Variants in B3GALT1 observed in about 807,000 individuals in gnomAD.
B3GALT1 encodes the protein UDP-Gal:betaGlcNAc beta 1,3-galactosyltransferase, polypeptide 1.
A neutral mutation model predicts 23.2 loss-of-function variants in B3GALT1; 10 were observed. The observed-to-expected ratio is 0.43, with a 90% CI of 0.27 to 0.73. The LOEUF is 0.73. Ranked by LOEUF, B3GALT1 falls within the 30% of genes least tolerant of loss-of-function variation. B3GALT1 has a pLI of 0.21. For missense variants in B3GALT1, 299 were observed against 405.4 expected, an observed-to-expected ratio of 0.74 and a Z score of 2.25; for synonymous variants, 156 against 141.5, an observed-to-expected ratio of 1.10 and a Z score of -0.73.
At chr2:167,863,716 G>T (rs1425295241) in intron 4 of B3GALT1, among the ~76,000 whole-genome samples, 1 of 151,946 alleles carries the variant, frequency 6.6e-6, no homozygotes, top group Non-Finnish European at 1.5e-5. Context: ...GTACTGTTTT[G>T]CCACCTGAGA....
intron 1 of B3GALT1, among the ~76,000 whole-genome samples, chr2:167,387,315 ATC>A (rs902647637): frequency 1.7e-4 from 26 of 152,340 alleles, no homozygotes; most frequent in African/African-American, 6.3e-4. Flanking sequence ...GTTGGGAAAA[ATC>A]TAATAAAATC....
intron 2 of B3GALT1, among the ~76,000 whole-genome samples, chr2:167,640,814 G>A (rs1685639102): frequency 6.6e-6 from 1 of 152,102 alleles, no homozygotes; most frequent in Non-Finnish European, 1.5e-5. Flanking sequence ...TTCCATTGCA[G>A]CCTGGTCTCT....
At chr2:167,797,817 T>G (rs776520124) in intron 3 of B3GALT1, among the ~76,000 whole-genome samples, 15 of 152,124 alleles carry the variant, frequency 9.9e-5, no homozygotes, top group Admixed American at 3.9e-4. Flanking sequence ...CATGCCATTC[T>G]TCTCAGCCTC....
chr2:167,490,284 G>T lies in B3GALT1; in HGVS notation c.-410+7G>T, dbSNP rs2105341526. On this transcript the variant is annotated splice_region_variant and intron_variant, in intron 2 of 4. Transcript: ENST00000392690. The stretch of plus-strand genomic sequence containing the variant: ...CAGAAATTTTCATCATAGGGTAATA[G>T]CCGATTCCTATTTTTGATTTGATAG... The T allele has an allele frequency of 6.6e-6, 1 of 152,308 alleles. No homozygotes were observed. Among genetic ancestry groups the T allele is most frequent in the African/African-American group, 2.4e-5 (1 of 41,574 alleles). The allele number at this position is 152,308 out of a possible 1,614,324, so 9.4% of individuals were successfully genotyped here.
intron 3 of B3GALT1, among the ~76,000 whole-genome samples, chr2:167,660,238 A>G (rs550258786): frequency 1.3e-5 from 2 of 152,082 alleles, no homozygotes; most frequent in Non-Finnish European, 2.9e-5. Context: ...CCTGGAAGTT[A>G]TTATAGGAAG....
chr2:167,524,921 T>G (rs2105364031), intron 2 of B3GALT1, among the ~76,000 whole-genome samples: 1 of 152,346 alleles, frequency 6.6e-6, no homozygotes, highest in Non-Finnish European at 1.5e-5. Flanking sequence ...GGTATTGTAA[T>G]GGGTAGACAT....
intron 3 of B3GALT1, among the ~76,000 whole-genome samples, chr2:167,734,065 AAAC>A (rs779633161): frequency 1.1e-3 from 173 of 152,330 alleles, no homozygotes; most frequent in Non-Finnish European, 2.0e-3. Flanking sequence ...CTCAGTTCCA[AAAC>A]AACATGTCAC....
chr2:167,730,165 C>T lies in B3GALT1; in HGVS notation c.-352+83199C>T, dbSNP rs117345161. On this transcript the variant is annotated intron_variant, in intron 3 of 4. Coordinates refer to ENST00000392690, the MANE Select transcript of B3GALT1 (RefSeq NM_020981.4). ...CTATTTTCTGGCTTACTATATCCGC[C>T]GGGGCGCTCATCCACAATGTTGCTC... 6.6e-4 allele frequency among the ~76,000 whole-genome samples: 100 copies of T among 152,294 alleles called. 3 individuals carry two copies. The East Asian group carries it at 0.019, about 28-fold the overall frequency.
chr2:167,634,447 C>T (rs560026075), intron 2 of B3GALT1, among the ~76,000 whole-genome samples: 4 of 151,908 alleles, frequency 2.6e-5, no homozygotes, highest in East Asian at 3.9e-4. Flanking sequence ...ATTGATAGAC[C>T]GCTAACCAGA....
rs948613632 is a variant in B3GALT1, at chr2:167,293,143, G to C, written c.-702G>C. ...ACCCCGCCGCGCCGCCGGCGCTGCCGGTCTTGCAGGCGGCCGCCGGGGAGG... is the reference window on the plus strand; with the variant it reads ...ACCCCGCCGCGCCGCCGGCGCTGCCCGTCTTGCAGGCGGCCGCCGGGGAGG... On this transcript the variant is annotated 5_prime_UTR_variant, in exon 1 of 5. Transcript: ENST00000392690. The C allele has an allele frequency of 2.6e-5, 4 of 151,378 alleles. No homozygotes were observed. The highest frequency in any genetic ancestry group is 4.8e-5 in the African/African-American group (2 of 41,342). 9.4% of individuals were successfully genotyped at this position (151,378 alleles called of 1,614,324 possible).
At chr2:167,672,001 C>A (rs1686338197) in intron 3 of B3GALT1, among the ~76,000 whole-genome samples, 1 of 152,002 alleles carries the variant, frequency 6.6e-6, no homozygotes, top group South Asian at 2.1e-4. Context: ...CCATCATACA[C>A]CAATAGATTG....
intron 1 of B3GALT1, among the ~76,000 whole-genome samples, chr2:167,298,728 A>G (rs1696397152): frequency 6.6e-6 from 1 of 152,064 alleles, no homozygotes. Flanking sequence ...TTTGGATTTC[A>G]ATGTGATTGA....
chr2:167,555,023 G>A (rs944696177), intron 2 of B3GALT1, among the ~76,000 whole-genome samples: 5 of 152,168 alleles, frequency 3.3e-5, no homozygotes, highest in South Asian at 2.1e-4. Context: ...CAGAAATGAC[G>A]TATGTGCTGA....
intron 3 of B3GALT1, among the ~76,000 whole-genome samples, chr2:167,747,183 G>C (rs1687666118): frequency 6.6e-6 from 1 of 152,146 alleles, no homozygotes; most frequent in South Asian, 2.1e-4. Flanking sequence ...AGAGCATTGT[G>C]GGAAGGAGAG....
intron 3 of B3GALT1, among the ~76,000 whole-genome samples, chr2:167,779,187 A>G (rs940890704): frequency 6.6e-6 from 1 of 152,234 alleles, no homozygotes; most frequent in African/African-American, 2.4e-5. Context: ...TTTGGATAAC[A>G]TGTCTTGGTT....
At position 167,545,023 on chromosome 2, in the gene B3GALT1, C is replaced by CTTTTTTTTTTTTT. The variant is rs869066627; in HGVS notation, c.-410+54765_-410+54777dup. On this transcript the variant is annotated intron_variant, in intron 2 of 4. Coordinates refer to ENST00000392690, the MANE Select transcript of B3GALT1 (RefSeq NM_020981.4). ...GGAAGGCCGCTTTTGGCTTGGGTGT[C>CTTTTTTTTTTTTT]TTTTTTTTTTTTTTTTTTTTTTTTT... Among the ~76,000 whole-genome samples, 9 of 54,286 alleles carry CTTTTTTTTTTTTT rather than the reference C, an allele frequency of 1.7e-4. 1 individual carries two copies. Among genetic ancestry groups the CTTTTTTTTTTTTT allele is most frequent in the African/African-American group, 3.9e-4 (5 of 12,802 alleles). The allele number at this position is 54,286 out of a possible 152,430, so 35.6% of individuals were successfully genotyped here.
chr2:167,499,461 G>T (rs1012827463), intron 2 of B3GALT1, among the ~76,000 whole-genome samples: 2 of 152,046 alleles, frequency 1.3e-5, no homozygotes, highest in African/African-American at 4.8e-5. Context: ...CAAGGATTTA[G>T]CAGTAAAACG....
At chr2:167,744,030 A>G (rs1687616015) in intron 3 of B3GALT1, among the ~76,000 whole-genome samples, 1 of 152,174 alleles carries the variant, frequency 6.6e-6, no homozygotes, top group African/African-American at 2.4e-5. Flanking sequence ...ATTCAACACT[A>G]TATGTGTGCC....
intron 3 of B3GALT1, among the ~76,000 whole-genome samples, chr2:167,767,873 T>C (rs1688004501): frequency 6.6e-6 from 1 of 152,134 alleles, no homozygotes; most frequent in South Asian, 2.1e-4. Flanking sequence ...AGAAGTCCCA[T>C]GATCTGCTGT....
Sources: allele counts gnomAD v4.1 joint callset (sites outside exome capture counted in the v4.1 genomes callset), GRCh38; gene constraint gnomAD v4.1.1; transcripts MANE v1.5; gene names NCBI Gene and HGNC (gene_info 2026-07-23, HGNC 2026-07-21).